THADA: variants seen among roughly 807,000 people sequenced by gnomAD.
THADA encodes the protein THADA armadillo repeat containing.
In THADA, 213 loss-of-function variants were observed where a neutral mutation model predicts 219.8. That is an observed-to-expected ratio of 0.97 (90% confidence interval 0.87 to 1.09). The LOEUF (loss-of-function observed/expected upper bound fraction) is 1.09, where lower values mean the gene tolerates loss of function less well. Among genes scored for constraint, THADA ranks in the 50% least tolerant of loss-of-function variants. THADA has a pLI of 0.00. For missense variants in THADA, 2,956 were observed against 2,311.3 expected (o/e 1.28, Z -5.72); for synonymous variants, 1,018 against 828.9 (o/e 1.23, Z -3.92).
intron 36 of THADA, among the ~76,000 whole-genome samples, chr2:43,257,932 G>C (rs1246052694): frequency 6.6e-6 from 1 of 152,172 alleles, no homozygotes; most frequent in Non-Finnish European, 1.5e-5. Context: ...AAGCCAGTGG[G>C]AGGAAGGGGA....
chr2:43,376,953 CA>C (rs1671448050), intron 29 of THADA, among the ~76,000 whole-genome samples: 1 of 152,100 alleles, frequency 6.6e-6, no homozygotes, highest in African/African-American at 2.4e-5. Context: ...TCCTCAGCCT[CA>C]AAAAATTCAG....
intron 4 of THADA, among the ~76,000 whole-genome samples, chr2:43,587,872 A>C (rs1701175643): frequency 6.6e-6 from 1 of 152,244 alleles, no homozygotes; most frequent in African/African-American, 2.4e-5. Context: ...TCAAATGAGT[A>C]AATTAAACAT....
chr2:43,389,374 ACT>A (rs1673078092), intron 29 of THADA, among the ~76,000 whole-genome samples: 1 of 152,218 alleles, frequency 6.6e-6, no homozygotes, highest in South Asian at 2.1e-4. Context: ...AGTCCCATCT[ACT>A]CTGGAGGCTG....
At chr2:43,235,020 C>T (rs1667872004) in intron 36 of THADA, among the ~76,000 whole-genome samples, 1 of 151,260 alleles carries the variant, frequency 6.6e-6, no homozygotes, top group Non-Finnish European at 1.5e-5. Flanking sequence ...TGCTGTATTG[C>T]CCAGGCTTGT....
At chr2:43,556,163 GAA>G in intron 17 of THADA, 180 bp downstream of exon 17, 1 of 1,273,434 alleles carries the variant, frequency 7.9e-7, no homozygotes, top group Non-Finnish European at 1.0e-6. Flanking sequence ...CCACTGTTTA[GAA>G]AAAAGTATTA....
At chr2:43,556,732 C>A (rs1027197872) in intron 16 of THADA, among the ~76,000 whole-genome samples, 177 bp from the exon 17 acceptor site, 1 of 151,896 alleles carries the variant, frequency 6.6e-6, no homozygotes, top group Non-Finnish European at 1.5e-5. Context: ...CAAGATCAGC[C>A]AAGACAACAT....
At chr2:43,263,588 G>A (rs1236380407) in intron 36 of THADA, among the ~76,000 whole-genome samples, 1 of 152,144 alleles carries the variant, frequency 6.6e-6, no homozygotes, top group Non-Finnish European at 1.5e-5. Context: ...CACCAAGCCA[G>A]GTCCTCAAGT....
rs931934591 is a variant in THADA, at chr2:43,595,986, C to G, written c.-80G>C. 1.3e-5 allele frequency: 2 copies of G among 152,418 alleles called. No homozygotes were observed. The highest frequency in any genetic ancestry group is 4.8e-5 in the African/African-American group (2 of 41,456). 9.4% of individuals were successfully genotyped at this position (152,418 alleles called of 1,614,324 possible). A position where few individuals can be genotyped will look rare whatever the true frequency, so the allele number is the denominator to read the frequency against. ...CAGGCGCCTGGTCCAGTCCCGGAAGCAGGTCTCCTTCTACGGCGTCTCCGA... is the reference window on the plus strand; with the variant it reads ...CAGGCGCCTGGTCCAGTCCCGGAAGGAGGTCTCCTTCTACGGCGTCTCCGA... On this transcript the variant is annotated 5_prime_UTR_variant, in exon 1 of 38. Transcript: ENST00000405975.
chr2:43,326,021 C>T (rs1428271812), intron 30 of THADA, among the ~76,000 whole-genome samples: 2 of 152,180 alleles, frequency 1.3e-5, no homozygotes, highest in Non-Finnish European at 2.9e-5. Flanking sequence ...AATTCCCTCT[C>T]TGTTGCATTT....
chr2:43,439,718 G>A (rs1680600099), intron 26 of THADA, among the ~76,000 whole-genome samples: 2 of 152,148 alleles, frequency 1.3e-5, no homozygotes, highest in Admixed American at 6.5e-5. Flanking sequence ...AAAATATAGT[G>A]TATATACGGT....
intron 25 of THADA, among the ~76,000 whole-genome samples, chr2:43,486,828 G>C (rs563004328): frequency 6.6e-6 from 1 of 152,194 alleles, no homozygotes; most frequent in Non-Finnish European, 1.5e-5. Context: ...TGAAATGCTG[G>C]CAGGAAATTA....
At chr2:43,435,252 CAAGA>C (rs1679922813) in intron 26 of THADA, among the ~76,000 whole-genome samples, 1 of 152,056 alleles carries the variant, frequency 6.6e-6, no homozygotes, top group African/African-American at 2.4e-5. Context: ...GTCGGGAGTT[CAAGA>C]CCAGCCTGAC....
intron 19 of THADA, 59 bp downstream of exon 19, chr2:43,551,730 G>A: frequency 6.4e-6 from 9 of 1,402,428 alleles, no homozygotes; most frequent in South Asian, 3.3e-5. Flanking sequence ...AAAAAAAAAA[G>A]AGGTAAAGAC....
At chr2:43,561,408 A>G (rs1698050533) in intron 15 of THADA, among the ~76,000 whole-genome samples, 3 of 152,244 alleles carry the variant, frequency 2.0e-5, no homozygotes, top group Non-Finnish European at 4.4e-5. Context: ...CAAGGGATGA[A>G]AAGAAAAATT....
At chr2:43,560,504 C>T in intron 15 of THADA, 119 bp from the exon 16 acceptor site, 2 of 614,606 alleles carry the variant, frequency 3.3e-6, no homozygotes, top group Non-Finnish European at 5.1e-6. Flanking sequence ...CATACTTTAC[C>T]CATGATAGCT....
chr2:43,484,092 G>T, intron 26 of THADA, among the ~76,000 whole-genome samples: 2 of 151,642 alleles, frequency 1.3e-5, no homozygotes, highest in African/African-American at 4.8e-5. Flanking sequence ...AAAATACTCA[G>T]TTAAAAAAAA....
chr2:43,570,359 A>C (rs79078039), intron 14 of THADA, 29 bp downstream of exon 14: 41 of 1,566,520 alleles, frequency 2.6e-5, no homozygotes, highest in African/African-American at 5.6e-5. Flanking sequence ...TTAAAAAAAA[A>C]CTCTCATGTT....
chr2:43,595,080 T>C (rs1458230813), intron 1 of THADA, among the ~76,000 whole-genome samples: 1 of 152,222 alleles, frequency 6.6e-6, no homozygotes, highest in Non-Finnish European at 1.5e-5. Context: ...ACATAGTAGG[T>C]GTTTAACAAA....
At chr2:43,542,908 G>A (rs1416205194) in intron 20 of THADA, among the ~76,000 whole-genome samples, 7 of 151,840 alleles carry the variant, frequency 4.6e-5, no homozygotes, top group Admixed American at 4.6e-4. Flanking sequence ...GGGTACATGT[G>A]CACAATGTGC....
Sources: allele counts gnomAD v4.1 joint callset (sites outside exome capture counted in the v4.1 genomes callset), GRCh38; gene constraint gnomAD v4.1.1; transcripts MANE v1.5; gene names NCBI Gene and HGNC (gene_info 2026-07-23, HGNC 2026-07-21).